NFYB: variants seen among roughly 807,000 people sequenced by gnomAD.
NFYB encodes the protein CAAT box DNA-binding protein subunit B.
Under a neutral mutation model 28.0 loss-of-function variants are expected in NFYB, and 13 were observed. That is an observed-to-expected ratio of 0.46 (90% CI 0.30 to 0.74). The LOEUF (loss-of-function observed/expected upper bound fraction) is 0.74, where lower values mean the gene tolerates loss of function less well. Among genes scored for constraint, NFYB ranks in the 30% least tolerant of loss-of-function variants. NFYB has a pLI of 0.07. For missense variants in NFYB, 142 were observed against 247.6 expected (o/e 0.57, Z 2.86); for synonymous variants, 74 against 75.0 (o/e 0.99, Z 0.07).
intron 4 of NFYB, among the ~76,000 whole-genome samples, chr12:104,125,064 G>A (rs1384358490): frequency 6.6e-6 from 1 of 151,716 alleles, no homozygotes; most frequent in Non-Finnish European, 1.5e-5. Context: ...GTTCTAAGAA[G>A]ACAAAACTAC....
chr12:104,126,063 AGTTTCGT>A, intron 4 of NFYB, 44 bp downstream of exon 4: 1 of 1,511,388 alleles, frequency 6.6e-7, no homozygotes, highest in Non-Finnish European at 8.8e-7. Flanking sequence ...GAATTCATGT[AGTTTCGT>A]GTTTCCCTTG....
At chr12:104,120,054 A>T (rs2030406405) in intron 7 of NFYB, among the ~76,000 whole-genome samples, 1 of 149,162 alleles carries the variant, frequency 6.7e-6, no homozygotes, top group African/African-American at 2.4e-5. Context: ...TAGATATAAT[A>T]AAAAAAAAAT....
intron 2 of NFYB, among the ~76,000 whole-genome samples, chr12:104,134,357 G>T (rs1280168882): frequency 6.6e-6 from 1 of 152,014 alleles, no homozygotes; most frequent in Admixed American, 6.6e-5. Context: ...CCTGCAACGG[G>T]GAAAGGAGGG....
At chr12:104,130,569 G>C (rs757743707) in intron 2 of NFYB, among the ~76,000 whole-genome samples, 8 of 152,178 alleles carry the variant, frequency 5.3e-5, no homozygotes, top group Non-Finnish European at 1.2e-4. Flanking sequence ...TCAGTGACCT[G>C]ATTCTGACTC....
At chr12:104,129,484 G>A (rs565336289) in intron 2 of NFYB, among the ~76,000 whole-genome samples, 4 of 152,148 alleles carry the variant, frequency 2.6e-5, no homozygotes, top group South Asian at 2.1e-4. Context: ...AGAAGCATGC[G>A]GATTCTCTGC....
At chr12:104,127,871 G>A (rs187354947) in intron 3 of NFYB, among the ~76,000 whole-genome samples, 222 of 151,870 alleles carry the variant, frequency 1.5e-3, no homozygotes, top group African/African-American at 4.7e-3. Flanking sequence ...TTTTTGTAGA[G>A]GTGGGGTTTC....
chr12:104,128,389 A>T, intron 3 of NFYB, 35 bp downstream of exon 3: 1 of 1,506,046 alleles, frequency 6.6e-7, no homozygotes, highest in Non-Finnish European at 9.2e-7. Flanking sequence ...ACTTGCTTCA[A>T]CTTGAGAATT....
intron 1 of NFYB, chr12:104,137,788 G>A (rs1238411680): frequency 1.4e-5 from 2 of 147,518 alleles, no homozygotes; most frequent in African/African-American, 2.4e-5. Context: ...GAGCCGGCCC[G>A]GGACGCCGTC....
At chr12:104,130,127 T>C (rs1034311557) in intron 2 of NFYB, among the ~76,000 whole-genome samples, 2 of 152,178 alleles carry the variant, frequency 1.3e-5, no homozygotes, top group African/African-American at 4.8e-5. Context: ...CAAAATAAGA[T>C]ATCTGTGAGT....
chr12:104,124,862 A>C (rs2030622141), intron 4 of NFYB, among the ~76,000 whole-genome samples: 1 of 152,212 alleles, frequency 6.6e-6, no homozygotes, highest in South Asian at 2.1e-4. Context: ...TTAAAACATA[A>C]GGACAAAATT....
At chr12:104,134,848 G>C (rs371062811) in intron 2 of NFYB, among the ~76,000 whole-genome samples, 1 of 152,142 alleles carries the variant, frequency 6.6e-6, no homozygotes, top group Non-Finnish European at 1.5e-5. Context: ...TAACACACCC[G>C]AGGTTACAGA....
chr12:104,127,759 C>A (rs2030775816), intron 3 of NFYB, among the ~76,000 whole-genome samples: 2 of 149,080 alleles, frequency 1.3e-5, no homozygotes, highest in African/African-American at 5.0e-5. Flanking sequence ...TCACTGAAGC[C>A]TCTACCTCCC....
rs2030339835 is a variant in NFYB, at chr12:104,118,368, AG to A, written c.*1368del. On this transcript the variant is annotated 3_prime_UTR_variant, in exon 8 of 8. Transcript: ENST00000240055. ...ATGAGGACATTATTAACCTCTGATTAGCCCACATATACTCCTAAAGGCTCCT... is the reference window on the plus strand; with the variant it reads ...ATGAGGACATTATTAACCTCTGATTACCCACATATACTCCTAAAGGCTCCT... 6.5e-6 allele frequency: 1 copy of A among 152,746 alleles called. No homozygotes were observed. The highest frequency in any genetic ancestry group is 2.4e-5 in the African/African-American group (1 of 41,580). 9.5% of individuals were successfully genotyped at this position (152,746 alleles called of 1,614,324 possible). A position where few individuals can be genotyped will look rare whatever the true frequency, so the allele number is the denominator to read the frequency against.
intron 3 of NFYB, among the ~76,000 whole-genome samples, chr12:104,127,499 C>T (rs2030759345): frequency 6.6e-6 from 1 of 150,596 alleles, no homozygotes; most frequent in African/African-American, 2.4e-5. Flanking sequence ...ACCCAGGAGG[C>T]GGAGGTTGCA....
chr12:104,133,453 C>T (rs1471395237), intron 2 of NFYB, among the ~76,000 whole-genome samples: 2 of 152,206 alleles, frequency 1.3e-5, no homozygotes, highest in Non-Finnish European at 1.5e-5. Flanking sequence ...CCCTGGACGA[C>T]GGTGAGGAGC....
chr12:104,120,579 C>T (rs2030435083), intron 6 of NFYB, 100 bp from the exon 7 acceptor site: 1 of 800,838 alleles, frequency 1.2e-6, no homozygotes, highest in East Asian at 2.5e-5. Flanking sequence ...ACAATTCTGC[C>T]CGGTATCAAT....
intron 4 of NFYB, 117 bp downstream of exon 4, chr12:104,125,997 G>A: frequency 2.8e-6 from 3 of 1,055,096 alleles, no homozygotes; most frequent in Non-Finnish European, 2.6e-6. Context: ...AGAAATATTT[G>A]ATTTGCTGAA....
rs896907342 is a variant in NFYB at position 104,130,350 on chromosome 12, G to A, written c.7-1833C>T. ...TTTTTATTTAATATTAAAATACTGGGCTAGTTTCCAGGTCTTCAATAACAC... is the reference window on the plus strand; with the variant it reads ...TTTTTATTTAATATTAAAATACTGGACTAGTTTCCAGGTCTTCAATAACAC... On this transcript the variant is annotated intron_variant, in intron 2 of 7. Transcript: ENST00000240055. Among the ~76,000 whole-genome samples the A allele has an allele frequency of 2.0e-5, 3 of 152,186 alleles. No individual in the cohort carries two copies. In the South Asian group the frequency reaches 6.2e-4, roughly 32 times the overall value.
At position 104,119,711 on chromosome 12, in the gene NFYB, A is replaced by G; in HGVS notation, c.*26T>C. The G allele has an allele frequency of 6.4e-7, 1 of 1,566,500 alleles. No homozygotes were observed. Among genetic ancestry groups the G allele is most frequent in the Non-Finnish European group, 8.8e-7 (1 of 1,138,980 alleles). On this transcript the variant is annotated 3_prime_UTR_variant, in exon 8 of 8. Coordinates refer to ENST00000240055, the MANE Select transcript of NFYB (RefSeq NM_006166.4). ...ATCATACAGACTCTCATTTCTCTACACTCCCCATTCCATCATTTCTTCAGA... is the reference window on the plus strand; with the variant it reads ...ATCATACAGACTCTCATTTCTCTACGCTCCCCATTCCATCATTTCTTCAGA...
Sources: gnomAD v4.1 joint callset for allele counts (sites outside exome capture counted in the v4.1 genomes callset) on GRCh38, gnomAD v4.1.1 for gene constraint, MANE v1.5 for transcripts, NCBI Gene and HGNC (gene_info 2026-07-23, HGNC 2026-07-21) for gene names.